Variants in IL2RA observed in about 807,000 individuals in gnomAD.
IL2RA encodes interleukin 2 receptor subunit alpha.
IL2RA carries 24 observed loss-of-function variants against 37.8 expected under a neutral mutation model. The observed-to-expected ratio is 0.63, with a 90% CI of 0.46 to 0.89. IL2RA has a LOEUF of 0.89. IL2RA is among the 40% of genes least tolerant of loss of function. The probability of loss-of-function intolerance (pLI) is 0.00; values close to 1 mark genes in which losing one functional copy is unlikely to be tolerated. For missense variants in IL2RA, 319 were observed against 348.6 expected (o/e 0.92, Z 0.68); for synonymous variants, 125 against 114.6 (o/e 1.09, Z -0.58).
At chr10:6,023,078 C>G (rs758415105) in intron 3 of IL2RA, among the ~76,000 whole-genome samples, 7 of 152,188 alleles carry the variant, frequency 4.6e-5, no homozygotes, top group Non-Finnish European at 7.3e-5. Flanking sequence ...TCTGGGAGAC[C>G]TGAGGTCTGA....
rs1293661885 is a variant in IL2RA, at chr10:6,047,246, C to CG, written c.64+14841_64+14842insC. ...AGGAACAACCCCCATGCCAACAGCACTCCATCCCGACCTCATACCATGTGC... is the reference window on the plus strand; with the variant it reads ...AGGAACAACCCCCATGCCAACAGCACGTCCATCCCGACCTCATACCATGTGC... On this transcript the variant is annotated intron_variant, in intron 1 of 7. Coordinates refer to ENST00000379959, the MANE Select transcript of IL2RA (RefSeq NM_000417.3). This position sits in a 1 kb window ranked among gnomAD's most constrained non-coding sequence, Gnocchi z 5.0. Among the ~76,000 whole-genome samples, 2 of 152,236 alleles carry CG rather than the reference C, an allele frequency of 1.3e-5. No individual in the cohort carries two copies. Among genetic ancestry groups the CG allele is most frequent in the Non-Finnish European group, 1.5e-5 (1 of 68,054 alleles).
intron 1 of IL2RA, among the ~76,000 whole-genome samples, chr10:6,030,357 C>T (rs942481623): frequency 6.6e-6 from 1 of 152,120 alleles, no homozygotes; most frequent in Admixed American, 6.5e-5. Context: ...AGCTAAACTG[C>T]TGAAAACCAA....
intron 1 of IL2RA, among the ~76,000 whole-genome samples, chr10:6,041,200 C>T (rs1168733864): frequency 6.7e-6 from 1 of 149,620 alleles, no homozygotes; most frequent in Non-Finnish European, 1.5e-5. Context: ...TCACTGCAAG[C>T]TCCGCCTCTC....
Position 6,018,020 on chromosome 10 carries a change from G to C in IL2RA, c.794+33C>G. The C allele has an allele frequency of 6.3e-7, 1 of 1,590,880 alleles. No individual in the cohort carries two copies. Among genetic ancestry groups the C allele is most frequent in the Non-Finnish European group, 8.6e-7 (1 of 1,160,572 alleles). The stretch of plus-strand genomic sequence containing the variant: ...GGGGCTGGGTACAGGACTTTGATCT[G>C]ACCAAGGGCTGCCTTGGTGATGCCA... On this transcript the variant is annotated intron_variant, in intron 7 of 7. Coordinates refer to ENST00000379959, the MANE Select transcript of IL2RA (RefSeq NM_000417.3). This position sits in a 1 kb window ranked among gnomAD's most constrained non-coding sequence, Gnocchi z 5.1.
In IL2RA at chr10:6,029,097, A is replaced by G. The variant is rs1248068841; in HGVS notation, c.65-3072T>C. ...TCAATGACTTAAAGCAGAGGTCAGT[A>G]AACTATGACCTGCAGATTTGCTGCC... On this transcript the variant is annotated intron_variant, in intron 1 of 7. Transcript: ENST00000379959. This position sits in a 1 kb window ranked among gnomAD's most constrained non-coding sequence, Gnocchi z 4.6. Among the ~76,000 whole-genome samples the G allele has an allele frequency of 6.6e-6, 1 of 151,950 alleles. No individual in the cohort carries two copies. Among genetic ancestry groups the G allele is most frequent in the Non-Finnish European group, 1.5e-5 (1 of 68,004 alleles).
In IL2RA at chr10:6,012,748, A is replaced by T; in HGVS notation, c.*124T>A. On this transcript the variant is annotated 3_prime_UTR_variant, in exon 8 of 8. Coordinates refer to ENST00000379959, the MANE Select transcript of IL2RA (RefSeq NM_000417.3). The surrounding 1 kb of genome is among the most constrained non-coding windows in gnomAD (Gnocchi z 4.8). ...GTGATGTGACTTCAGAGCTTCCAAA[A>T]CGCAGGCAAGCACAACGGATGTCTC... The T allele has an allele frequency of 9.9e-7, 1 of 1,012,082 alleles. No homozygotes were observed. Among genetic ancestry groups the T allele is most frequent in the Admixed American group, 1.8e-5 (1 of 56,832 alleles). The allele number at this position is 1,012,082 out of a possible 1,614,324, so 62.7% of individuals were successfully genotyped here. A position where few individuals can be genotyped will look rare whatever the true frequency, so the allele number is the denominator to read the frequency against.
In IL2RA at chr10:6,057,868, G is replaced by A. The variant is rs1840070679; in HGVS notation, c.64+4220C>T. Among the ~76,000 whole-genome samples the A allele has an allele frequency of 6.6e-6, 1 of 152,212 alleles. No individual in the cohort carries two copies. The highest frequency in any genetic ancestry group is 2.1e-4 in the South Asian group (1 of 4,832). ...GGACTGGGTGCGGTGGCTCATGCCTGTAATCCCAGTGCTTTGGGAGGCCAA... is the reference window on the plus strand; with the variant it reads ...GGACTGGGTGCGGTGGCTCATGCCTATAATCCCAGTGCTTTGGGAGGCCAA... On this transcript the variant is annotated intron_variant, in intron 1 of 7. Transcript: ENST00000379959. The surrounding 1 kb of genome is among the most constrained non-coding windows in gnomAD (Gnocchi z 4.8).
chr10:6,047,216 GC>G lies in IL2RA; in HGVS notation c.64+14871del, dbSNP rs1839876592. The stretch of plus-strand genomic sequence containing the variant: ...TAATCAGACCATGTGGACACAGGTA[GC>G]CCAAGGAACAACCCCCATGCCAACA... On this transcript the variant is annotated intron_variant, in intron 1 of 7. Coordinates refer to ENST00000379959, the MANE Select transcript of IL2RA (RefSeq NM_000417.3). The surrounding 1 kb of genome is among the most constrained non-coding windows in gnomAD (Gnocchi z 5.0). 6.6e-6 allele frequency among the ~76,000 whole-genome samples: 1 copy of G among 152,190 alleles called. No homozygotes were observed. Among genetic ancestry groups the G allele is most frequent in the African/African-American group, 2.4e-5 (1 of 41,456 alleles).
At chr10:6,026,109 A>T (rs1839479878) in intron 1 of IL2RA, 84 bp from the exon 2 acceptor site, 1 of 1,358,944 alleles carries the variant, frequency 7.4e-7, no homozygotes, top group Non-Finnish European at 1.0e-6. Flanking sequence ...ACTTAATCAC[A>T]TATTTCTTCA....
At chr10:6,032,808 A>G (rs1449766786) in intron 1 of IL2RA, among the ~76,000 whole-genome samples, 11 of 152,252 alleles carry the variant, frequency 7.2e-5, no homozygotes, top group Non-Finnish European at 1.5e-5. Flanking sequence ...AAAACAAAGC[A>G]AGAGTAAAAG....
intron 1 of IL2RA, among the ~76,000 whole-genome samples, chr10:6,043,244 A>C: frequency 6.6e-6 from 1 of 152,234 alleles, no homozygotes; most frequent in East Asian, 1.9e-4. Flanking sequence ...TGAGTGAAAA[A>C]AGCAAAGTTG....
At chr10:6,055,140 G>A (rs543478291) in intron 1 of IL2RA, among the ~76,000 whole-genome samples, 1 of 152,306 alleles carries the variant, frequency 6.6e-6, no homozygotes, top group African/African-American at 2.4e-5. Flanking sequence ...CAGAATCTTA[G>A]GCGGTAACCC....
At chr10:6,045,248 A>G (rs1184745897) in intron 1 of IL2RA, among the ~76,000 whole-genome samples, 1 of 152,194 alleles carries the variant, frequency 6.6e-6, no homozygotes, top group Non-Finnish European at 1.5e-5. Context: ...CCCTAAAATG[A>G]GTAACTCACA....
At chr10:6,016,754 A>G (rs1012667965) in intron 7 of IL2RA, among the ~76,000 whole-genome samples, 1 of 152,032 alleles carries the variant, frequency 6.6e-6, no homozygotes, top group Non-Finnish European at 1.5e-5. Context: ...TGTATTTTTT[A>G]GTAGAAACAG....
chr10:6,047,791 TTAATA>T lies in IL2RA; in HGVS notation c.64+14292_64+14296del, dbSNP rs1453784064. Among the ~76,000 whole-genome samples the T allele has an allele frequency of 8.1e-5, 12 of 148,434 alleles. No individual in the cohort carries two copies. The South Asian group carries it at 1.9e-3, about 23-fold the overall frequency. On this transcript the variant is annotated intron_variant, in intron 1 of 7. Transcript: ENST00000379959. The surrounding 1 kb of genome is among the most constrained non-coding windows in gnomAD (Gnocchi z 5.0). Reference sequence around the variant, plus strand: ...TATATAAAATACTATAGTATACTCATTAATATAATTAGTATATTATATGATAAATA... The same window carrying T: ...TATATAAAATACTATAGTATACTCATTAATTAGTATATTATATGATAAATA...
At position 6,018,499 on chromosome 10, in the gene IL2RA, G is replaced by T. The variant is rs528048640; in HGVS notation, c.728-380C>A. On this transcript the variant is annotated intron_variant, in intron 6 of 7. Transcript: ENST00000379959. The surrounding 1 kb of genome is among the most constrained non-coding windows in gnomAD (Gnocchi z 5.1). ...AAAGAGGTCGGGTTTTCCAGATGCT[G>T]CTCTGCTGAGGTTTTGGAGGCTGAC... 6.6e-6 allele frequency among the ~76,000 whole-genome samples: 1 copy of T among 152,200 alleles called. No individual in the cohort carries two copies. Among genetic ancestry groups the T allele is most frequent in the African/African-American group, 2.4e-5 (1 of 41,454 alleles).
chr10:6,017,384 T>C (rs967196829), intron 7 of IL2RA, among the ~76,000 whole-genome samples: 2 of 152,048 alleles, frequency 1.3e-5, no homozygotes, highest in African/African-American at 4.8e-5. Context: ...TCTAGATTCA[T>C]GTTGCAGTGC....
chr10:6,062,289 T>A lies in IL2RA; in HGVS notation c.-138A>T. 1.4e-6 allele frequency: 1 copy of A among 710,940 alleles called. No homozygotes were observed. Among genetic ancestry groups the A allele is most frequent in the Non-Finnish European group, 2.5e-6 (1 of 395,182 alleles). 44.0% of individuals were successfully genotyped at this position (710,940 alleles called of 1,614,324 possible). On this transcript the variant is annotated 5_prime_UTR_variant, in exon 1 of 8. The change creates a new upstream start codon in the 5' untranslated region. Coordinates refer to ENST00000379959, the MANE Select transcript of IL2RA (RefSeq NM_000417.3). ...GATCGGTCCGCCTGGGCTGTCACCCTTGTGGGTCCATCCAGTCTCTATCGG... is the reference window on the plus strand; with the variant it reads ...GATCGGTCCGCCTGGGCTGTCACCCATGTGGGTCCATCCAGTCTCTATCGG...
At chr10:6,060,958 A>G (rs1344348168) in intron 1 of IL2RA, among the ~76,000 whole-genome samples, 1 of 152,208 alleles carries the variant, frequency 6.6e-6, no homozygotes, top group South Asian at 2.1e-4. Context: ...ACTTGTTGCC[A>G]TTATAGACTT....
Sources: gnomAD v4.1 joint callset for allele counts (sites outside exome capture counted in the v4.1 genomes callset) on GRCh38, gnomAD v4.1.1 for gene constraint, Gnocchi (gnomAD v3.1) non-coding constraint, MANE v1.5 for transcripts, NCBI Gene and HGNC (gene_info 2026-07-23, HGNC 2026-07-21) for gene names.